SORCS3: variants seen among roughly 807,000 people sequenced by gnomAD.
The protein encoded by SORCS3 is VPS10 domain-containing receptor SorCS3.
Under a neutral mutation model 146.3 loss-of-function variants are expected in SORCS3, and 57 were observed. That is an observed-to-expected ratio of 0.39 (90% CI 0.31 to 0.49). The LOEUF (loss-of-function observed/expected upper bound fraction) is 0.49, where lower values mean the gene tolerates loss of function less well. SORCS3 is among the 20% of genes least tolerant of loss of function. The probability of loss-of-function intolerance (pLI) is 0.92; values close to 1 mark genes in which losing one functional copy is unlikely to be tolerated. For missense variants in SORCS3, 1,341 were observed against 1,575.5 expected (o/e 0.85, Z 2.52); for synonymous variants, 653 against 618.5 (o/e 1.06, Z -0.83).
At chr10:104,760,356 C>T (rs1454338142) in intron 1 of SORCS3, among the ~76,000 whole-genome samples, 5 of 152,170 alleles carry the variant, frequency 3.3e-5, no homozygotes, top group African/African-American at 1.2e-4. Flanking sequence ...GTTAATCAAA[C>T]ATTATTAAAC....
chr10:104,791,577 A>C (rs949876657), intron 1 of SORCS3, among the ~76,000 whole-genome samples: 1 of 152,206 alleles, frequency 6.6e-6, no homozygotes, highest in Non-Finnish European at 1.5e-5. Context: ...CATTGTGAAC[A>C]TTCTTTCTGA....
intron 1 of SORCS3, among the ~76,000 whole-genome samples, chr10:104,738,091 T>C (rs974504885): frequency 2.3e-4 from 35 of 152,266 alleles, no homozygotes; most frequent in Admixed American, 5.9e-4. Flanking sequence ...GTTGTAGATA[T>C]GCGGCGTTAT....
intron 4 of SORCS3, among the ~76,000 whole-genome samples, chr10:104,992,392 T>C (rs1459518518): frequency 6.6e-6 from 1 of 152,232 alleles, no homozygotes; most frequent in Non-Finnish European, 1.5e-5. Flanking sequence ...CTATTTGTTG[T>C]ATAAGCTAGA....
chr10:104,647,220 A>G (rs1207502081), intron 1 of SORCS3, among the ~76,000 whole-genome samples: 2 of 151,966 alleles, frequency 1.3e-5, no homozygotes, highest in Non-Finnish European at 2.9e-5. Flanking sequence ...TACTTCTCCA[A>G]CTTTGGATTT....
intron 2 of SORCS3, among the ~76,000 whole-genome samples, chr10:104,862,374 C>T (rs1040982071): frequency 6.6e-6 from 1 of 152,170 alleles, no homozygotes; most frequent in African/African-American, 2.4e-5. Context: ...AGGACAAGCC[C>T]TGTGGAGTTT....
intron 1 of SORCS3, among the ~76,000 whole-genome samples, chr10:104,798,011 G>A (rs762157178): frequency 6.6e-6 from 1 of 152,174 alleles, no homozygotes; most frequent in Non-Finnish European, 1.5e-5. Context: ...AGGGAAGGTT[G>A]GGAGATGGTG....
intron 8 of SORCS3, among the ~76,000 whole-genome samples, chr10:105,144,683 C>G (rs887064590): frequency 6.6e-6 from 1 of 152,088 alleles, no homozygotes; most frequent in Non-Finnish European, 1.5e-5. Context: ...TAAATTTACT[C>G]TTATTGCATT....
At chr10:105,253,023 G>A (rs567976733) in intron 23 of SORCS3, 117 bp downstream of exon 23, 8 of 1,224,622 alleles carry the variant, frequency 6.5e-6, no homozygotes, top group Non-Finnish European at 9.0e-6. Flanking sequence ...CAACAGCCAA[G>A]GTTTTGAAGA....
chr10:105,205,578 G>A (rs1248273838), intron 16 of SORCS3, among the ~76,000 whole-genome samples: 1 of 152,080 alleles, frequency 6.6e-6, no homozygotes, highest in Non-Finnish European at 1.5e-5. Context: ...TGCAAGAGGG[G>A]GCTCCTCTAA....
At chr10:104,816,459 C>G (rs765412369) in intron 1 of SORCS3, among the ~76,000 whole-genome samples, 3 of 152,122 alleles carry the variant, frequency 2.0e-5, no homozygotes, top group Non-Finnish European at 4.4e-5. Context: ...TAATGGTTAT[C>G]CTTTCTGATA....
intron 13 of SORCS3, among the ~76,000 whole-genome samples, chr10:105,176,391 A>T (rs7913863): frequency 0.47 from 65,414 of 140,218 alleles, 15,867 homozygotes; most frequent in African/African-American, 0.69. Flanking sequence ...AAAAATAATT[A>T]AAAAAAAAAA....
chr10:105,023,501 G>A (rs2055209625), intron 4 of SORCS3, among the ~76,000 whole-genome samples: 1 of 152,136 alleles, frequency 6.6e-6, no homozygotes, highest in Non-Finnish European at 1.5e-5. Context: ...TCCCATCTTT[G>A]GCACTGATGG....
At chr10:105,031,057 G>GA (rs2055263101) in intron 4 of SORCS3, among the ~76,000 whole-genome samples, 1 of 151,718 alleles carries the variant, frequency 6.6e-6, no homozygotes. Flanking sequence ...CACTTTGGGA[G>GA]GCCGAGGTGG....
At chr10:105,246,565 C>T (rs969007312) in intron 21 of SORCS3, among the ~76,000 whole-genome samples, 3 of 152,220 alleles carry the variant, frequency 2.0e-5, no homozygotes, top group Non-Finnish European at 4.4e-5. Context: ...TCCAGCCTCA[C>T]ACCAGGTAAA....
chr10:104,796,845 C>T (rs1219695721), intron 1 of SORCS3, among the ~76,000 whole-genome samples: 2 of 152,120 alleles, frequency 1.3e-5, no homozygotes, highest in African/African-American at 2.4e-5. Context: ...GTTGTCAGTT[C>T]ATTAAATTAT....
intron 1 of SORCS3, among the ~76,000 whole-genome samples, chr10:104,841,780 A>T (rs1307356987): frequency 6.6e-6 from 1 of 152,234 alleles, no homozygotes; most frequent in Non-Finnish European, 1.5e-5. Context: ...GGAGGAAGTT[A>T]AATTGTGGAA....
intron 2 of SORCS3, among the ~76,000 whole-genome samples, chr10:104,845,195 A>G (rs558803045): frequency 1.8e-3 from 275 of 151,928 alleles, no homozygotes; most frequent in Middle Eastern, 0.01. Flanking sequence ...AAATTCCATC[A>G]CTTGGCTACA....
chr10:104,720,590 T>C (rs990573518), intron 1 of SORCS3, among the ~76,000 whole-genome samples: 20 of 152,202 alleles, frequency 1.3e-4, no homozygotes, highest in Non-Finnish European at 2.1e-4. Context: ...ACAGTCCCAC[T>C]AACAGTGTAA....
intron 5 of SORCS3, among the ~76,000 whole-genome samples, chr10:105,086,654 A>G (rs1197646444): frequency 6.6e-6 from 1 of 152,204 alleles, no homozygotes; most frequent in Admixed American, 6.5e-5. Flanking sequence ...TATTGACCAC[A>G]ATCAGGCTTC....
Sources: gnomAD v4.1 joint callset for allele counts (sites outside exome capture counted in the v4.1 genomes callset) on GRCh38, gnomAD v4.1.1 for gene constraint, MANE v1.5 for transcripts, NCBI Gene and HGNC (gene_info 2026-07-23, HGNC 2026-07-21) for gene names.